Variants in ADGRL2 observed in about 807,000 individuals in gnomAD.
ADGRL2 encodes the protein calcium-independent alpha-latrotoxin receptor 2.
Under a neutral mutation model 157.4 loss-of-function variants are expected in ADGRL2, and 44 were observed. The observed-to-expected ratio is 0.28, with a 90% CI of 0.22 to 0.36. ADGRL2 has a LOEUF of 0.36. ADGRL2 is among the 10% of genes least tolerant of loss of function. The probability of loss-of-function intolerance (pLI) is 1.00; values close to 1 mark genes in which losing one functional copy is unlikely to be tolerated. For missense variants in ADGRL2, 1,510 were observed against 1,768.9 expected (o/e 0.85, Z 2.63); for synonymous variants, 585 against 624.7 (o/e 0.94, Z 0.95).
At chr1:81,857,029 G>A (rs557052775) in intron 2 of ADGRL2, among the ~76,000 whole-genome samples, 1 of 152,272 alleles carries the variant, frequency 6.6e-6, no homozygotes, top group East Asian at 1.9e-4. Flanking sequence ...GCACTTGTCA[G>A]TCCTTTACTG....
At chr1:81,470,836 T>C (rs2078156598) in intron 2 of ADGRL2, among the ~76,000 whole-genome samples, 1 of 152,192 alleles carries the variant, frequency 6.6e-6, no homozygotes, top group Non-Finnish European at 1.5e-5. Flanking sequence ...CAAAGCAAGT[T>C]GAAAGGAAGA....
rs776948351 is a variant in ADGRL2 at position 81,943,171 on chromosome 1, A to G, written c.612A>G (p.Thr204=). 22 of 1,613,500 alleles carry G rather than the reference A, an allele frequency of 1.4e-5. No homozygotes were observed. The highest frequency in any genetic ancestry group is 1.7e-5 in the Non-Finnish European group (20 of 1,179,654). ...TCCAAAATAGTCGCCAAACAACAAC[A>G]TATAAACTTCCAAATCGAGTAGATG... ...EDFQNSRQTT[T]YKLPNRVDGT... The change falls in exon 6 of 24, where the codon ACA becomes ACG. Residue 204 remains threonine (T), a synonymous_variant. Transcript: ENST00000686636. The surrounding 1 kb of genome is among the most constrained non-coding windows in gnomAD (Gnocchi z 5.6).
At chr1:81,957,582 C>T (rs12741720) in intron 11 of ADGRL2, among the ~76,000 whole-genome samples, 21,342 of 151,994 alleles carry the variant, frequency 0.14, 1,808 homozygotes, top group Middle Eastern at 0.3. Context: ...GTGGCGCATG[C>T]CTGTAGTCCC....
At chr1:81,441,220 A>G (rs979260382) in intron 1 of ADGRL2, among the ~76,000 whole-genome samples, 1 of 152,184 alleles carries the variant, frequency 6.6e-6, no homozygotes, top group African/African-American at 2.4e-5. Flanking sequence ...TTAATATGGC[A>G]TATTGCTACT....
chr1:81,855,770 G>C (rs925643022), intron 2 of ADGRL2, among the ~76,000 whole-genome samples: 1 of 152,096 alleles, frequency 6.6e-6, no homozygotes, highest in Non-Finnish European at 1.5e-5. Flanking sequence ...TCATCCTGTG[G>C]TCTGCCCATT....
intron 1 of ADGRL2, chr1:81,721,800 C>A: frequency 8.0e-7 from 1 of 1,257,080 alleles, no homozygotes; most frequent in Non-Finnish European, 1.1e-6. Flanking sequence ...TGGGTGGGAG[C>A]AGGCGGTAAA....
chr1:81,679,350 C>A (rs1372478027), intron 3 of ADGRL2, among the ~76,000 whole-genome samples: 1 of 151,594 alleles, frequency 6.6e-6, no homozygotes, highest in African/African-American at 2.4e-5. Flanking sequence ...TCTTTTGCCT[C>A]TCTATATCTT....
chr1:81,707,100 C>T lies in ADGRL2; in HGVS notation c.-143+7292C>T, dbSNP rs556078181. On this transcript the variant is annotated intron_variant, in intron 1 of 20. Transcript: ENST00000359929. ...CGCGCTATTTTACCCAACCAGAGGC[C>T]TGTTGTAATCCTGGTTTCTCTCAAG... Among the ~76,000 whole-genome samples the T allele has an allele frequency of 1.2e-3, 178 of 152,252 alleles. 1 individual carries two copies. Among genetic ancestry groups the T allele is most frequent in the African/African-American group, 3.7e-3 (152 of 41,548 alleles).
chr1:81,922,399 A>T (rs1406288490), intron 3 of ADGRL2, among the ~76,000 whole-genome samples: 1 of 152,202 alleles, frequency 6.6e-6, no homozygotes, highest in Non-Finnish European at 1.5e-5. Context: ...ATATATCTCA[A>T]AAATTATGAA....
chr1:81,940,647 T>C (rs1488846495), intron 4 of ADGRL2, among the ~76,000 whole-genome samples: 2 of 151,614 alleles, frequency 1.3e-5, no homozygotes, highest in African/African-American at 4.8e-5. Context: ...TGAATTATTG[T>C]AACTTTTAAA....
intron 2 of ADGRL2, among the ~76,000 whole-genome samples, chr1:81,479,493 A>T (rs936744340): frequency 6.6e-6 from 1 of 152,148 alleles, no homozygotes; most frequent in African/African-American, 2.4e-5. Context: ...AAATAAAAAA[A>T]AAGAAATTTC....
intron 2 of ADGRL2, among the ~76,000 whole-genome samples, chr1:81,858,433 A>G (rs970429055): frequency 6.6e-6 from 1 of 152,192 alleles, no homozygotes; most frequent in Non-Finnish European, 1.5e-5. Context: ...TGGTGCAAAG[A>G]ACTGAAACTA....
intron 1 of ADGRL2, among the ~76,000 whole-genome samples, chr1:81,338,152 C>T (rs1207901861): frequency 6.6e-6 from 1 of 152,092 alleles, no homozygotes; most frequent in African/African-American, 2.4e-5. Context: ...CACCTGAGGT[C>T]AGAAGTTCGC....
chr1:81,648,020 G>A (rs1454459595), intron 3 of ADGRL2, among the ~76,000 whole-genome samples: 1 of 152,126 alleles, frequency 6.6e-6, no homozygotes, highest in African/African-American at 2.4e-5. Context: ...TTAGATGTGG[G>A]TCACTAGGTG....
At chr1:81,869,624 T>C (rs560967666) in intron 2 of ADGRL2, among the ~76,000 whole-genome samples, 26 of 152,192 alleles carry the variant, frequency 1.7e-4, no homozygotes, top group Non-Finnish European at 3.4e-4. Context: ...AGTTTATAAA[T>C]AATTACAGTT....
At chr1:81,403,891 A>G (rs2076807322) in intron 1 of ADGRL2, among the ~76,000 whole-genome samples, 2 of 149,224 alleles carry the variant, frequency 1.3e-5, no homozygotes. Context: ...TCTGCCTCCC[A>G]GGTTCAAGTG....
chr1:81,896,023 T>C (rs1350941199), intron 2 of ADGRL2, among the ~76,000 whole-genome samples: 1 of 152,170 alleles, frequency 6.6e-6, no homozygotes, highest in Non-Finnish European at 1.5e-5. Context: ...ATACTCAGGC[T>C]GGATGGAGGT....
At chr1:81,656,316 C>T (rs2082532435) in intron 3 of ADGRL2, among the ~76,000 whole-genome samples, 2 of 152,276 alleles carry the variant, frequency 1.3e-5, no homozygotes, top group South Asian at 4.1e-4. Context: ...CAAATGGAGA[C>T]CTACCTCACT....
chr1:81,628,087 A>G (rs2081944864), intron 3 of ADGRL2, among the ~76,000 whole-genome samples: 1 of 152,194 alleles, frequency 6.6e-6, no homozygotes, highest in African/African-American at 2.4e-5. Context: ...AAATATATAC[A>G]TATTAATCTT....
Sources: gnomAD v4.1 joint callset for allele counts (sites outside exome capture counted in the v4.1 genomes callset) on GRCh38, gnomAD v4.1.1 for gene constraint, Gnocchi (gnomAD v3.1) non-coding constraint, MANE v1.5 for transcripts, NCBI Gene and HGNC (gene_info 2026-07-23, HGNC 2026-07-21) for gene names.